The following SNX29 variants were observed in gnomAD, a reference collection of about 807,000 sequenced individuals.
SNX29 encodes sorting nexin 29.
SNX29 carries 78 observed loss-of-function variants against 102.1 expected under a neutral mutation model. The observed-to-expected ratio is 0.76, with a 90% CI of 0.64 to 0.92. The LOEUF (loss-of-function observed/expected upper bound fraction) is 0.92, where lower values mean the gene tolerates loss of function less well. Among genes scored for constraint, SNX29 ranks in the 40% least tolerant of loss-of-function variants. SNX29 has a pLI of 0.00. For missense variants in SNX29, 1,280 were observed against 1,061.7 expected, an observed-to-expected ratio of 1.21 and a Z score of -2.86; for synonymous variants, 580 against 414.5, an observed-to-expected ratio of 1.40 and a Z score of -4.85.
chr16:12,056,078 C>T (rs564012145), intron 8 of SNX29, among the ~76,000 whole-genome samples: 135 of 152,188 alleles, frequency 8.9e-4, no homozygotes, highest in African/African-American at 3.0e-3. Flanking sequence ...GATGGGGTTT[C>T]ACCATGTTGG....
intron 11 of SNX29, chr16:12,087,954 T>C (rs1243657232): frequency 2.2e-6 from 1 of 456,640 alleles, no homozygotes; most frequent in African/African-American, 2.0e-5. Flanking sequence ...GAGGACCTGT[T>C]GGGCAGTGGG....
chr16:12,060,180 C>T (rs534552920), intron 8 of SNX29, among the ~76,000 whole-genome samples: 2 of 152,102 alleles, frequency 1.3e-5, no homozygotes, highest in African/African-American at 4.8e-5. Flanking sequence ...AATAAAAATA[C>T]AGTATAACAA....
chr16:12,555,491 G>C (rs1381541665), intron 20 of SNX29, among the ~76,000 whole-genome samples: 16 of 147,276 alleles, frequency 1.1e-4, no homozygotes, highest in African/African-American at 3.5e-4. Flanking sequence ...CTTTCGTTGT[G>C]GGGAGTCACG....
chr16:12,522,956 G>A (rs982468677), intron 19 of SNX29, among the ~76,000 whole-genome samples: 2 of 152,198 alleles, frequency 1.3e-5, no homozygotes, highest in African/African-American at 4.8e-5. Context: ...GACTACAGGT[G>A]CACACCACCG....
chr16:12,190,059 A>G (rs2076604413), intron 13 of SNX29, among the ~76,000 whole-genome samples: 1 of 152,190 alleles, frequency 6.6e-6, no homozygotes, highest in South Asian at 2.1e-4. Flanking sequence ...AAGTTAACTA[A>G]TCTCTGATAG....
At chr16:12,413,970 G>T (rs1264511423) in intron 18 of SNX29, among the ~76,000 whole-genome samples, 1 of 152,192 alleles carries the variant, frequency 6.6e-6, no homozygotes, top group South Asian at 2.1e-4. Context: ...AAATGCCATA[G>T]TATTTGCATA....
intron 19 of SNX29, among the ~76,000 whole-genome samples, chr16:12,511,249 G>T (rs1241264374): frequency 1.3e-5 from 2 of 152,180 alleles, no homozygotes; most frequent in Non-Finnish European, 2.9e-5. Flanking sequence ...TGGGTCTTAA[G>T]AGGCAGGACA....
chr16:12,568,782 AAACT>A lies in SNX29; in HGVS notation c.*156_*159del. The stretch of plus-strand genomic sequence containing the variant: ...CCAACAGTTACACAACACCCCGATT[AAACT>A]AATCAGTCTTCGAGCCGCATGATAC... On this transcript the variant is annotated 3_prime_UTR_variant, in exon 21 of 21. Transcript: ENST00000566228. The A allele has an allele frequency of 2.5e-6, 3 of 1,214,214 alleles. No individual in the cohort carries two copies. Among genetic ancestry groups the A allele is most frequent in the Non-Finnish European group, 3.4e-6 (3 of 892,510 alleles). The allele number at this position is 1,214,214 out of a possible 1,614,324, so 75.2% of individuals were successfully genotyped here.
chr16:12,095,939 G>A (rs2052749393), intron 11 of SNX29, among the ~76,000 whole-genome samples: 3 of 152,190 alleles, frequency 2.0e-5, no homozygotes, highest in African/African-American at 7.2e-5. Context: ...CTGGCTCATC[G>A]CCTAGCAACA....
chr16:11,991,814 A>C lies in SNX29; in HGVS notation c.8-7483A>C, dbSNP rs144122066. ...GTGATCCACCCACTTTGGCCTCCCAAAGTGCTGGGATTACAGGCATGAGCC... is the reference window on the plus strand; with the variant it reads ...GTGATCCACCCACTTTGGCCTCCCACAGTGCTGGGATTACAGGCATGAGCC... On this transcript the variant is annotated intron_variant, in intron 1 of 20. Transcript: ENST00000566228. 5.2e-3 allele frequency among the ~76,000 whole-genome samples: 794 copies of C among 151,712 alleles called. 7 individuals carry two copies. Among genetic ancestry groups the C allele is most frequent in the African/African-American group, 0.018 (763 of 41,334 alleles).
chr16:12,525,704 C>A (rs996046190), intron 20 of SNX29, among the ~76,000 whole-genome samples: 10 of 127,580 alleles, frequency 7.8e-5, no homozygotes, highest in South Asian at 3.2e-4. Flanking sequence ...CCCCACCCCC[C>A]CCCCCAAAAA....
intron 18 of SNX29, among the ~76,000 whole-genome samples, chr16:12,462,645 G>A (rs555946127): frequency 1.3e-5 from 2 of 152,110 alleles, no homozygotes; most frequent in African/African-American, 4.8e-5. Context: ...TATATCATAA[G>A]CAGTGTCTTA....
At chr16:12,380,757 TCCACCCACCCACCATCCATCCATCCAC>T (rs1597157169) in intron 16 of SNX29, among the ~76,000 whole-genome samples, 2 of 81,162 alleles carry the variant, frequency 2.5e-5, no homozygotes, top group Non-Finnish European at 2.5e-5. Context: ...CCACCATCCA[TCCACCCACCCACCATCCATCCATCCAC>T]CCATCCACCC....
chr16:12,352,322 C>T lies in SNX29; in HGVS notation c.1783-3841C>T, dbSNP rs369766335. On this transcript the variant is annotated intron_variant, in intron 15 of 20. Coordinates refer to ENST00000566228, the MANE Select transcript of SNX29 (RefSeq NM_032167.5). Reference sequence around the variant, plus strand: ...ATAGGTGGGAGTTGAACAATGAGAACACATGGACACAGGAAGGGGAACATC... The same window carrying T: ...ATAGGTGGGAGTTGAACAATGAGAATACATGGACACAGGAAGGGGAACATC... Among the ~76,000 whole-genome samples the T allele has an allele frequency of 2.0e-5, 3 of 150,974 alleles. No homozygotes were observed. In the East Asian group the frequency reaches 5.8e-4, roughly 29 times the overall value.
At chr16:12,516,546 C>G (rs1360187972) in intron 19 of SNX29, among the ~76,000 whole-genome samples, 1 of 151,158 alleles carries the variant, frequency 6.6e-6, no homozygotes, top group Non-Finnish European at 1.5e-5. Flanking sequence ...TTGCTGGAGT[C>G]CTTAGTAGTC....
At chr16:12,551,467 G>A (rs1474291544) in intron 20 of SNX29, among the ~76,000 whole-genome samples, 3 of 152,192 alleles carry the variant, frequency 2.0e-5, no homozygotes, top group South Asian at 4.1e-4. Context: ...ACAGAGGCCA[G>A]GCCCTGCCTG....
Position 12,573,741 on chromosome 16 carries a change from C to T in SNX29, c.*5112C>T, listed in dbSNP as rs974666442. ...CACGGAATGGTGGATCGTACATTTG[C>T]ACCCAGAGCTACTAAACGCTCAGTG... is the stretch of plus-strand genomic sequence containing the variant. On this transcript the variant is annotated 3_prime_UTR_variant, in exon 21 of 21. Coordinates refer to ENST00000566228, the MANE Select transcript of SNX29 (RefSeq NM_032167.5). The T allele has an allele frequency of 9.0e-6, 2 of 223,124 alleles. No individual in the cohort carries two copies. Among genetic ancestry groups the T allele is most frequent in the Non-Finnish European group, 1.8e-5 (2 of 111,658 alleles). 13.8% of individuals were successfully genotyped at this position (223,124 alleles called of 1,614,324 possible).
At chr16:12,529,161 G>A (rs1171946274) in intron 20 of SNX29, among the ~76,000 whole-genome samples, 1 of 152,122 alleles carries the variant, frequency 6.6e-6, no homozygotes, top group East Asian at 1.9e-4. Context: ...GCTCTGAATT[G>A]GAAAGTAGGC....
intron 13 of SNX29, among the ~76,000 whole-genome samples, chr16:12,154,128 T>C (rs2055426096): frequency 6.6e-6 from 1 of 152,186 alleles, no homozygotes; most frequent in Non-Finnish European, 1.5e-5. Flanking sequence ...TTCCTTCTCT[T>C]TCCTTCTCCC....
Sources: allele counts gnomAD v4.1 joint callset (sites outside exome capture counted in the v4.1 genomes callset), GRCh38; gene constraint gnomAD v4.1.1; transcripts MANE v1.5; gene names NCBI Gene and HGNC (gene_info 2026-07-23, HGNC 2026-07-21).